The following CPA6 variants were observed in gnomAD, a reference collection of about 807,000 sequenced individuals.
CPA6 encodes carboxypeptidase A6, also known as carboxypeptidase B.
CPA6 carries 58 observed loss-of-function variants against 63.3 expected under a neutral mutation model. That is an observed-to-expected ratio of 0.92 (90% CI 0.74 to 1.14). The LOEUF (loss-of-function observed/expected upper bound fraction) is 1.14, where lower values mean the gene tolerates loss of function less well. Ranked by LOEUF, CPA6 falls within the 50% of genes most tolerant of loss-of-function variation. The pLI is 0.00. For missense variants in CPA6, 565 were observed against 526.6 expected (o/e 1.07, Z -0.71); for synonymous variants, 185 against 179.0 (o/e 1.03, Z -0.27).
chr8:67,695,024 C>CA lies in CPA6; in HGVS notation c.116+50989dup, dbSNP rs34638044. 3.6e-4 allele frequency among the ~76,000 whole-genome samples: 55 copies of CA among 151,188 alleles called. 1 individual carries two copies. The highest frequency in any genetic ancestry group is 3.4e-3 in the Middle Eastern group (1 of 292). ...ATGGGGATAGACCTCTCTGAATGGGCAAAAAAAATGTGAAGATATTGGTAT... is the reference window on the plus strand; with the variant it reads ...ATGGGGATAGACCTCTCTGAATGGGCAAAAAAAAATGTGAAGATATTGGTAT... On this transcript the variant is annotated intron_variant, in intron 1 of 10. Transcript: ENST00000297770.
chr8:67,569,305 G>A (rs912345190), intron 2 of CPA6: 3 of 166,342 alleles, frequency 1.8e-5, no homozygotes, highest in African/African-American at 7.2e-5. Context: ...TGCAGGCCAG[G>A]AGACAGTAGG....
chr8:67,531,858 G>T (rs900201001), intron 2 of CPA6, among the ~76,000 whole-genome samples: 1 of 152,144 alleles, frequency 6.6e-6, no homozygotes, highest in African/African-American at 2.4e-5. Context: ...GATGTCAAAT[G>T]ATCTCTGATT....
intron 1 of CPA6, among the ~76,000 whole-genome samples, chr8:67,688,904 C>T (rs1466547771): frequency 1.3e-5 from 2 of 152,164 alleles, no homozygotes; most frequent in Non-Finnish European, 1.5e-5. Flanking sequence ...ATTTAAAAGG[C>T]TCCCATAGAC....
chr8:67,475,932 TTCTCTTTCTTTC>T (rs1302910180), intron 8 of CPA6, among the ~76,000 whole-genome samples: 2 of 77,184 alleles, frequency 2.6e-5, no homozygotes, highest in East Asian at 6.9e-4. Flanking sequence ...CTTTCTTTCT[TTCTCTTTCTTTC>T]TCTGTCTTTC....
intron 1 of CPA6, among the ~76,000 whole-genome samples, chr8:67,731,898 A>G (rs1025225645): frequency 6.6e-6 from 1 of 152,216 alleles, no homozygotes; most frequent in Non-Finnish European, 1.5e-5. Flanking sequence ...TTGAGGAGTG[A>G]CCTACAATTT....
At chr8:67,619,438 CT>C (rs987124258) in intron 2 of CPA6, among the ~76,000 whole-genome samples, 2 of 152,238 alleles carry the variant, frequency 1.3e-5, no homozygotes, top group Non-Finnish European at 2.9e-5. Flanking sequence ...TAAAATCAAG[CT>C]GTTAAAACAG....
At chr8:67,628,717 C>A (rs936533446) in intron 1 of CPA6, among the ~76,000 whole-genome samples, 1 of 152,162 alleles carries the variant, frequency 6.6e-6, no homozygotes, top group African/African-American at 2.4e-5. Context: ...ATGATAAGTT[C>A]TTGGAAATTG....
chr8:67,611,902 C>T lies in CPA6; in HGVS notation c.192+12274G>A, dbSNP rs187038903. Among the ~76,000 whole-genome samples the T allele has an allele frequency of 2.4e-3, 368 of 152,330 alleles. 1 individual carries two copies. The highest frequency in any genetic ancestry group is 3.7e-3 in the Non-Finnish European group (255 of 68,040). On this transcript the variant is annotated intron_variant, in intron 2 of 10. Coordinates refer to ENST00000297770, the MANE Select transcript of CPA6 (RefSeq NM_020361.5). ...CCCTTCTGATAGAGGGGAAGATGCT[C>T]CATCAAGTTCTTATTCCCTTCCTTG...
intron 1 of CPA6, among the ~76,000 whole-genome samples, chr8:67,728,133 C>CAAACA (rs71253025): frequency 0.13 from 19,796 of 147,570 alleles, 1,408 homozygotes; most frequent in East Asian, 0.16. Flanking sequence ...CAACAAAAAA[C>CAAACA]AAACAAAACA....
chr8:67,591,287 A>G (rs1261009863), intron 2 of CPA6, among the ~76,000 whole-genome samples: 4 of 152,026 alleles, frequency 2.6e-5, no homozygotes, highest in African/African-American at 9.7e-5. Context: ...TGGTTACTGT[A>G]GCCTTGTAGT....
At chr8:67,448,656 G>GAAAAAAAAAAAA (rs1810485855) in intron 8 of CPA6, among the ~76,000 whole-genome samples, 1 of 68,788 alleles carries the variant, frequency 1.5e-5, no homozygotes, top group African/African-American at 8.9e-5. Context: ...AAAAAAAAAG[G>GAAAAAAAAAAAA]AAAGAACGAA....
In CPA6 at chr8:67,550,709, T is replaced by C. The variant is rs187124242; in HGVS notation, c.193-32662A>G. 3.9e-4 allele frequency among the ~76,000 whole-genome samples: 59 copies of C among 152,306 alleles called. No individual in the cohort carries two copies. In the Middle Eastern group the frequency reaches 0.02, roughly 53 times the overall value. On this transcript the variant is annotated intron_variant, in intron 2 of 10. Coordinates refer to ENST00000297770, the MANE Select transcript of CPA6 (RefSeq NM_020361.5). The stretch of plus-strand genomic sequence containing the variant: ...AGCCTTGGCAGCATCTTGTTATTTT[T>C]TGACTTTTTAATAGTAGCCATCCTG...
At chr8:67,496,566 ATT>A (rs539068593) in intron 6 of CPA6, among the ~76,000 whole-genome samples, 1 of 89,014 alleles carries the variant, frequency 1.1e-5, no homozygotes, top group African/African-American at 4.2e-5. Context: ...TATTTATTTT[ATT>A]TTTTTTTTTT....
At chr8:67,665,091 GT>G (rs1326180719) in intron 1 of CPA6, among the ~76,000 whole-genome samples, 4 of 152,054 alleles carry the variant, frequency 2.6e-5, no homozygotes, top group African/African-American at 9.7e-5. Flanking sequence ...AATCGGCAAA[GT>G]TTTCACTTTT....
intron 10 of CPA6, among the ~76,000 whole-genome samples, chr8:67,425,130 C>T (rs1005956505): frequency 6.6e-6 from 1 of 152,072 alleles, no homozygotes; most frequent in Non-Finnish European, 1.5e-5. Context: ...TATTATTTTG[C>T]CTCTTTATAT....
chr8:67,680,728 T>TCA (rs1816573894), intron 1 of CPA6, among the ~76,000 whole-genome samples: 1 of 152,202 alleles, frequency 6.6e-6, no homozygotes, highest in Admixed American at 6.5e-5. Context: ...TGTCTAATAC[T>TCA]CAGTTCTTTA....
chr8:67,644,999 C>T (rs564494476), intron 1 of CPA6, among the ~76,000 whole-genome samples: 1 of 152,314 alleles, frequency 6.6e-6, no homozygotes, highest in South Asian at 2.1e-4. Context: ...TCATCCTTCA[C>T]AATCACACCC....
intron 2 of CPA6, among the ~76,000 whole-genome samples, chr8:67,596,366 C>T (rs1814335067): frequency 6.6e-6 from 1 of 152,210 alleles, no homozygotes; most frequent in Non-Finnish European, 1.5e-5. Context: ...CCACAGACTT[C>T]TGGCTTCCAT....
chr8:67,632,454 T>C (rs1036483457), intron 1 of CPA6, among the ~76,000 whole-genome samples: 2 of 152,124 alleles, frequency 1.3e-5, no homozygotes, highest in African/African-American at 4.8e-5. Flanking sequence ...ACTACAGGTG[T>C]GTGCCACCAC....
Sources: allele counts gnomAD v4.1 joint callset (sites outside exome capture counted in the v4.1 genomes callset), GRCh38; gene constraint gnomAD v4.1.1; transcripts MANE v1.5; gene names NCBI Gene and HGNC (gene_info 2026-07-23, HGNC 2026-07-21).